Variants in SH3GL3 observed in about 807,000 individuals in gnomAD.
SH3GL3 encodes the protein SH3 domain containing GRB2 like 3, endophilin A3, also known as endophilin-A3.
SH3GL3 carries 33 observed loss-of-function variants against 47.7 expected under a neutral mutation model. The ratio of observed to expected loss-of-function variants is 0.69; its 90% confidence interval spans 0.52 to 0.92. SH3GL3 has a LOEUF of 0.92. SH3GL3 is among the 40% of genes least tolerant of loss of function. The probability of loss-of-function intolerance (pLI) is 0.00; values close to 1 mark genes in which losing one functional copy is unlikely to be tolerated. For missense variants in SH3GL3, 363 were observed against 417.8 expected (o/e 0.87, Z 1.14); for synonymous variants, 155 against 148.8 (o/e 1.04, Z -0.30).
chr15:83,463,964 G>A (rs1031953855), intron 1 of SH3GL3, among the ~76,000 whole-genome samples: 3 of 152,004 alleles, frequency 2.0e-5, no homozygotes, highest in African/African-American at 7.2e-5. Flanking sequence ...GTTTCACCAT[G>A]TTGGCCAGGC....
At chr15:83,507,684 G>C (rs1452185072) in intron 1 of SH3GL3, among the ~76,000 whole-genome samples, 1 of 151,818 alleles carries the variant, frequency 6.6e-6, no homozygotes, top group East Asian at 1.9e-4. Flanking sequence ...AAAAGTGCTG[G>C]GATTACAGGA....
At chr15:83,620,479 A>G (rs2060911829), downstream of SH3GL3, among the ~76,000 whole-genome samples, 1 of 152,250 alleles carries the variant, frequency 6.6e-6, no homozygotes, top group Non-Finnish European at 1.5e-5. Flanking sequence ...AGTAGGCATG[A>G]AAACAACATT....
At chr15:83,568,881 C>T (rs2045682838) in intron 4 of SH3GL3, among the ~76,000 whole-genome samples, 1 of 151,172 alleles carries the variant, frequency 6.6e-6, no homozygotes, top group Non-Finnish European at 1.5e-5. Context: ...CCGATAGGCC[C>T]AATTAAACTC....
At chr15:83,595,918 T>G (rs2060226165) in intron 8 of SH3GL3, among the ~76,000 whole-genome samples, 1 of 152,176 alleles carries the variant, frequency 6.6e-6, no homozygotes, top group Admixed American at 6.5e-5. Context: ...ATTTATCAAT[T>G]TTATTGATCT....
chr15:83,528,749 T>G (rs1043911784), intron 1 of SH3GL3, among the ~76,000 whole-genome samples: 2 of 152,224 alleles, frequency 1.3e-5, no homozygotes, highest in African/African-American at 2.4e-5. Flanking sequence ...TGCTGTTGTG[T>G]CTTACTGAGC....
intron 1 of SH3GL3, chr15:83,490,612 C>A: frequency 8.6e-6 from 5 of 583,458 alleles, no homozygotes; most frequent in Non-Finnish European, 2.8e-6. Flanking sequence ...CCCCTACAAC[C>A]TAGTTCAGCC....
chr15:83,619,331 A>T (rs2060902250), downstream of SH3GL3, among the ~76,000 whole-genome samples: 1 of 152,182 alleles, frequency 6.6e-6, no homozygotes, highest in African/African-American at 2.4e-5. Flanking sequence ...AAGTCACACA[A>T]ATTCTGGGGG....
rs1270450570 is a variant in SH3GL3, at chr15:83,469,212, CTCTTTT to C, written c.45+21643_45+21648del. 1.2e-4 allele frequency among the ~76,000 whole-genome samples: 18 copies of C among 152,098 alleles called. No individual in the cohort carries two copies. The East Asian group carries it at 3.3e-3, about 28-fold the overall frequency. On this transcript the variant is annotated intron_variant, in intron 1 of 8. Coordinates refer to ENST00000427482, the MANE Select transcript of SH3GL3 (RefSeq NM_003027.5). Reference sequence around the variant, plus strand: ...TCCTGATAATGGTAATTTTTGTCTTCTCTTTTTCTTTTTCAGTCCTGGTAAAGGTTT... The same window carrying C: ...TCCTGATAATGGTAATTTTTGTCTTCTCTTTTTCAGTCCTGGTAAAGGTTT...
At chr15:83,460,821 AC>A (rs1457869648) in intron 1 of SH3GL3, among the ~76,000 whole-genome samples, 1 of 152,184 alleles carries the variant, frequency 6.6e-6, no homozygotes, top group Non-Finnish European at 1.5e-5. Flanking sequence ...GCGGTGGCTT[AC>A]ACCTGTAATC....
intron 1 of SH3GL3, among the ~76,000 whole-genome samples, chr15:83,541,301 A>G (rs2732152): frequency 0.28 from 36,646 of 130,150 alleles, 5,438 homozygotes; most frequent in East Asian, 0.69. Flanking sequence ...GCTGGATCAT[A>G]TGGTAATTCT....
At chr15:83,577,113 G>T (rs577520931) in intron 6 of SH3GL3, among the ~76,000 whole-genome samples, 21 of 151,868 alleles carry the variant, frequency 1.4e-4, no homozygotes, top group Non-Finnish European at 2.8e-4. Flanking sequence ...GTTTCACCAT[G>T]TTGGCCAGGA....
chr15:83,489,860 TA>T (rs1567265834), intron 1 of SH3GL3, among the ~76,000 whole-genome samples: 1 of 149,876 alleles, frequency 6.7e-6, no homozygotes, highest in East Asian at 1.9e-4. Context: ...GATAGATAGA[TA>T]GATAGATAGA....
intron 8 of SH3GL3, among the ~76,000 whole-genome samples, chr15:83,588,974 A>G (rs976333411): frequency 1.3e-5 from 2 of 152,184 alleles, no homozygotes; most frequent in East Asian, 3.9e-4. Context: ...ATAATGTAGC[A>G]TTTAGAACCT....
chr15:83,565,829 A>G (rs1366033836), intron 3 of SH3GL3: 1 of 152,166 alleles, frequency 6.6e-6, no homozygotes, highest in East Asian at 1.9e-4. Context: ...TTAGGAATTT[A>G]TTATCTGCGT....
chr15:83,609,378 A>G (rs1239695655), intron 8 of SH3GL3: 1 of 449,846 alleles, frequency 2.2e-6, no homozygotes, highest in Non-Finnish European at 4.5e-6. Context: ...CAAGGGAGGC[A>G]AGAGAAAAAC....
Position 83,447,602 on chromosome 15 carries a change from G to A in SH3GL3, c.45+24G>A, listed in dbSNP as rs1230893887. On this transcript the variant is annotated intron_variant, in intron 1 of 8. Coordinates refer to ENST00000427482, the MANE Select transcript of SH3GL3 (RefSeq NM_003027.5). The surrounding 1 kb of genome is among the most constrained non-coding windows in gnomAD (Gnocchi z 5.1). ...AGGTAGGGAGGCGCAGAGGAGGGAA[G>A]GAGGGAGGGGGACGCGGAGGCTGCG... 8.8e-6 allele frequency: 13 copies of A among 1,472,348 alleles called. No individual in the cohort carries two copies. In the African/African-American group the frequency reaches 1.9e-4, roughly 22 times the overall value. The allele number at this position is 1,472,348 out of a possible 1,614,324, so 91.2% of individuals were successfully genotyped here.
At chr15:83,460,056 G>GCCTC (rs764377371) in intron 1 of SH3GL3, among the ~76,000 whole-genome samples, 110 of 41,268 alleles carry the variant, frequency 2.7e-3, no homozygotes, top group Non-Finnish European at 3.3e-3. Flanking sequence ...CTCCCTCCCT[G>GCCTC]CCTCCCTCCC....
At chr15:83,548,378 TTA>T (rs928544418) in intron 1 of SH3GL3, among the ~76,000 whole-genome samples, 5 of 149,506 alleles carry the variant, frequency 3.3e-5, no homozygotes, top group East Asian at 1.9e-4. Flanking sequence ...TTATATATAT[TTA>T]TATATATAAA....
intron 1 of SH3GL3, among the ~76,000 whole-genome samples, chr15:83,552,515 A>G (rs1220462213): frequency 6.6e-6 from 1 of 152,194 alleles, no homozygotes; most frequent in Non-Finnish European, 1.5e-5. Context: ...AACATGCTCT[A>G]TATGGTATTG....
Sources: allele counts gnomAD v4.1 joint callset (sites outside exome capture counted in the v4.1 genomes callset), GRCh38; gene constraint gnomAD v4.1.1; non-coding constraint Gnocchi (gnomAD v3.1); transcripts MANE v1.5; gene names NCBI Gene and HGNC (gene_info 2026-07-23, HGNC 2026-07-21).